The following FBN1 variants were observed in gnomAD, a reference collection of about 807,000 sequenced individuals.
FBN1 encodes fibrillin 1, also known as fibrillin-1.
A neutral mutation model predicts 365.1 loss-of-function variants in FBN1; 29 were observed. The observed-to-expected ratio is 0.08, with a 90% CI of 0.06 to 0.11. The LOEUF (loss-of-function observed/expected upper bound fraction) is 0.11, where lower values mean the gene tolerates loss of function less well. Among genes scored for constraint, FBN1 ranks in the 10% least tolerant of loss-of-function variants. The pLI is 1.00. For synonymous variants in FBN1, 1,210 were observed against 1,270.5 expected (o/e 0.95, Z 1.01); for missense variants, 2,476 against 3,703.2 (o/e 0.67, Z 8.60).
intron 64 of FBN1, among the ~76,000 whole-genome samples, chr15:48,415,201 G>A (rs1410035435): frequency 6.6e-6 from 1 of 152,212 alleles, no homozygotes; most frequent in African/African-American, 2.4e-5. Context: ...TGTGCAGGGT[G>A]AGCCCAGTTC....
chr15:48,536,006 A>T (rs2044009822), intron 7 of FBN1, among the ~76,000 whole-genome samples: 1 of 152,198 alleles, frequency 6.6e-6, no homozygotes, highest in African/African-American at 2.4e-5. Context: ...CTGAAGACAG[A>T]ATAAGCTCCT....
chr15:48,516,706 A>T (rs2043806826), intron 10 of FBN1, among the ~76,000 whole-genome samples: 1 of 152,342 alleles, frequency 6.6e-6, no homozygotes, highest in East Asian at 1.9e-4. Flanking sequence ...AGAATACATT[A>T]AAAAATTTGA....
chr15:48,468,259 C>A (rs2043339456), intron 37 of FBN1, among the ~76,000 whole-genome samples, 153 bp downstream of exon 37: 1 of 152,038 alleles, frequency 6.6e-6, no homozygotes, highest in South Asian at 2.1e-4. Context: ...AGAATTTTCC[C>A]TATGGAAAAG....
intron 2 of FBN1, among the ~76,000 whole-genome samples, chr15:48,621,282 A>G (rs1422518647): frequency 6.6e-6 from 1 of 152,168 alleles, no homozygotes; most frequent in African/African-American, 2.4e-5. Context: ...AGGGAGGGGG[A>G]GGAAGTGGAA....
chr15:48,437,585 T>A, intron 51 of FBN1, 183 bp downstream of exon 51: 1 of 808,180 alleles, frequency 1.2e-6, no homozygotes, highest in Non-Finnish European at 2.0e-6. Flanking sequence ...CTGTGATTCA[T>A]GACATAATTA....
chr15:48,468,811 G>A (rs1433623318), intron 36 of FBN1, among the ~76,000 whole-genome samples: 1 of 149,854 alleles, frequency 6.7e-6, no homozygotes, highest in Non-Finnish European at 1.5e-5. Context: ...GCTCACGCCT[G>A]TAATCCCAGC....
At chr15:48,643,131 T>C (rs1890229610) in intron 2 of FBN1, 1 of 152,350 alleles carries the variant, frequency 6.6e-6, no homozygotes, top group South Asian at 2.1e-4. Flanking sequence ...GATATTATTA[T>C]GTAGGAGAAA....
chr15:48,536,778 T>C (rs1048424418), intron 7 of FBN1, among the ~76,000 whole-genome samples: 25 of 152,350 alleles, frequency 1.6e-4, no homozygotes, highest in East Asian at 3.9e-4. Flanking sequence ...TCTGTTTTAT[T>C]GCACATTACC....
intron 6 of FBN1, among the ~76,000 whole-genome samples, chr15:48,589,089 G>A (rs1275489084): frequency 1.3e-5 from 2 of 152,226 alleles, no homozygotes; most frequent in African/African-American, 2.4e-5. Context: ...TGTGGACTGA[G>A]CCTAGCTCCT....
intron 2 of FBN1, chr15:48,641,773 T>C (rs1192875325): frequency 6.6e-6 from 1 of 152,224 alleles, no homozygotes; most frequent in East Asian, 1.9e-4. Flanking sequence ...TGGAAAAATG[T>C]AGTACATAAC....
chr15:48,497,114 A>T (rs1342542433), intron 19 of FBN1, 152 bp downstream of exon 19: 1 of 818,826 alleles, frequency 1.2e-6, no homozygotes, highest in Admixed American at 2.0e-5. Flanking sequence ...AATTTTTGTT[A>T]CTAAAGATAT....
chr15:48,592,114 T>C (rs964805010), intron 6 of FBN1, among the ~76,000 whole-genome samples: 5 of 152,254 alleles, frequency 3.3e-5, no homozygotes, highest in Non-Finnish European at 7.3e-5. Context: ...GGCCGCTTTA[T>C]GATTCTCATT....
At chr15:48,556,716 C>T (rs2044183916) in intron 6 of FBN1, among the ~76,000 whole-genome samples, 1 of 152,186 alleles carries the variant, frequency 6.6e-6, no homozygotes, top group African/African-American at 2.4e-5. Flanking sequence ...TAAATTCCAA[C>T]CCTGCCCATT....
intron 6 of FBN1, among the ~76,000 whole-genome samples, chr15:48,560,618 G>C (rs2080399288): frequency 6.6e-6 from 1 of 152,176 alleles, no homozygotes; most frequent in Admixed American, 6.5e-5. Context: ...GGCTTTGTAA[G>C]TATTCCTCGG....
At position 48,452,436 on chromosome 15, in the gene FBN1, T is replaced by C. The variant is rs142185289; in HGVS notation, c.5545+126A>G. The C allele has an allele frequency of 7.3e-5, 82 of 1,127,220 alleles. 1 individual carries two copies. The East Asian group carries it at 1.9e-3, about 27-fold the overall frequency. The allele number at this position is 1,127,220 out of a possible 1,614,324, so 69.8% of individuals were successfully genotyped here. ...TTTCCAATTTAGTTTAATATTAGAG[T>C]TCATCAATCTAAATCTTAACTCATA... On this transcript the variant is annotated intron_variant, in intron 45 of 65. Coordinates refer to ENST00000316623, the MANE Select transcript of FBN1 (RefSeq NM_000138.5).
intron 53 of FBN1, 44 bp from the exon 54 acceptor site, chr15:48,434,757 T>C (rs1196704071): frequency 6.2e-7 from 1 of 1,604,708 alleles, no homozygotes; most frequent in East Asian, 2.2e-5. Context: ...TGAATTGAGA[T>C]AATACCTTTT....
At position 48,489,953 on chromosome 15, in the gene FBN1, C is replaced by T. The variant is rs780301913; in HGVS notation, c.2980G>A (p.Glu994Lys). 14 of 1,614,066 alleles carry T rather than the reference C, an allele frequency of 8.7e-6. No individual in the cohort carries two copies. Among genetic ancestry groups the T allele is most frequent in the Middle Eastern group, 3.3e-4 (2 of 6,084 alleles). The stretch of plus-strand genomic sequence containing the variant: ...GGAGTATTTCTCATGGGACACTCCT[C>T]GCATTCCTCAGTACCCCAGGCTGCC... ...VGAAWGTEEC[E>K]ECPMRNTPEY... is the part of the protein sequence containing the mutation. Residue 994 changes from glutamate (E) to lysine (K), a missense_variant, in exon 25 of 66, where the codon GAG (glutamate) becomes AAG (lysine). This residue lies in a region of FBN1 where 1,780 missense variants were observed against 2,840.8 expected (regional missense o/e 0.63). Transcript: ENST00000316623.
At chr15:48,621,214 C>T (rs1027775719) in intron 2 of FBN1, among the ~76,000 whole-genome samples, 14 of 152,172 alleles carry the variant, frequency 9.2e-5, no homozygotes, top group African/African-American at 3.1e-4. Context: ...AAGCATAACT[C>T]CCCACTCCTT....
In FBN1 at chr15:48,644,880, C is replaced by T. The variant is rs1175892789; in HGVS notation, c.-111G>A. 2 of 1,110,870 alleles carry T rather than the reference C, an allele frequency of 1.8e-6. No individual in the cohort carries two copies. The highest frequency in any genetic ancestry group is 2.3e-6 in the Non-Finnish European group (2 of 873,300). 68.8% of individuals were successfully genotyped at this position (1,110,870 alleles called of 1,614,324 possible). ...CGCCGCCGGGGTCCCGCTATCCCGC[C>T]GCCCGTCCCCCGGGCCGGGCTCCTC... is the stretch of plus-strand genomic sequence containing the variant. On this transcript the variant is annotated 5_prime_UTR_variant, in exon 2 of 66. Coordinates refer to ENST00000316623, the MANE Select transcript of FBN1 (RefSeq NM_000138.5).
Sources: allele counts gnomAD v4.1 joint callset (sites outside exome capture counted in the v4.1 genomes callset), GRCh38; gene constraint gnomAD v4.1.1; regional missense constraint gnomAD v4.1.1; transcripts MANE v1.5; gene names NCBI Gene and HGNC (gene_info 2026-07-23, HGNC 2026-07-21).